The following MAP4K5 variants were observed in gnomAD, a reference collection of about 807,000 sequenced individuals.
MAP4K5 encodes MAPK/ERK kinase kinase kinase 5.
MAP4K5 carries 82 observed loss-of-function variants against 135.6 expected under a neutral mutation model. That is an observed-to-expected ratio of 0.60 (90% confidence interval 0.51 to 0.73). MAP4K5 has a LOEUF of 0.73. MAP4K5 is among the 30% of genes least tolerant of loss of function. The pLI, the probability that MAP4K5 is intolerant of heterozygous loss-of-function variation, is 0.00. For synonymous variants in MAP4K5, 347 were observed against 335.0 expected (o/e 1.04, Z -0.39); for missense variants, 907 against 1,010.9 (o/e 0.90, Z 1.39).
upstream of MAP4K5, among the ~76,000 whole-genome samples, chr14:50,536,235 G>A (rs899023331): frequency 2.0e-5 from 3 of 152,092 alleles, no homozygotes; most frequent in Non-Finnish European, 4.4e-5. Flanking sequence ...ATCTGAGGTC[G>A]GGAGTTTGAG....
intron 15 of MAP4K5, 60 bp downstream of exon 15, chr14:50,448,714 C>T (rs1412830703): frequency 1.0e-6 from 1 of 989,484 alleles, no homozygotes; most frequent in African/African-American, 1.7e-5. Context: ...GTACAACTAA[C>T]AAAAAAAAAG....
chr14:50,514,043 C>A (rs1198711131), intron 2 of MAP4K5, among the ~76,000 whole-genome samples: 1 of 152,114 alleles, frequency 6.6e-6, no homozygotes, highest in Non-Finnish European at 1.5e-5. Context: ...ATACTCAATA[C>A]TTTATGGAAC....
At chr14:50,555,149 T>C (rs143550576) in intron 1 of MAP4K5, among the ~76,000 whole-genome samples, 60 of 152,338 alleles carry the variant, frequency 3.9e-4, no homozygotes, top group African/African-American at 1.4e-3. Context: ...TTTACCCTTC[T>C]GTATGGCTAG....
At chr14:50,468,474 T>C in intron 10 of MAP4K5, 177 bp downstream of exon 10, 1 of 578,374 alleles carries the variant, frequency 1.7e-6, no homozygotes, top group Non-Finnish European at 3.0e-6. Flanking sequence ...AAAAATGAAT[T>C]GAGGTAACTA....
At chr14:50,535,748 A>G (rs1261022365), upstream of MAP4K5, among the ~76,000 whole-genome samples, 1 of 152,188 alleles carries the variant, frequency 6.6e-6, no homozygotes, top group Non-Finnish European at 1.5e-5. Flanking sequence ...GAGGTGAGGA[A>G]GGCAGTCGAT....
Position 50,510,584 on chromosome 14 carries a change from A to G in MAP4K5, c.109-5727T>C, listed in dbSNP as rs2037911028. Among the ~76,000 whole-genome samples, 3 of 152,266 alleles carry G rather than the reference A, an allele frequency of 2.0e-5. No homozygotes were observed. In the South Asian group the frequency reaches 6.2e-4, roughly 32 times the overall value. ...AAAAATTAAAATCTTCCACAACTAG[A>G]AAATGCTATGAAACTGACAATACAT... On this transcript the variant is annotated intron_variant, in intron 2 of 32. Transcript: ENST00000682126.
At position 50,428,735 on chromosome 14, in the gene MAP4K5, A is replaced by C; in HGVS notation, c.2253T>G (p.Asn751Lys). The C allele has an allele frequency of 6.8e-7, 1 of 1,478,432 alleles. No homozygotes were observed. The highest frequency in any genetic ancestry group is 9.0e-7 in the Non-Finnish European group (1 of 1,107,240). The allele number at this position is 1,478,432 out of a possible 1,614,324, so 91.6% of individuals were successfully genotyped here. A position where few individuals can be genotyped will look rare whatever the true frequency, so the allele number is the denominator to read the frequency against. ...VCLDKFVKIVNLQGKLKSSKK... is the reference protein window; with the variant it reads ...VCLDKFVKIVKLQGKLKSSKK... ...TACTTGATTTTAATTTTCCTTGTAG[A>C]TTTACAATTTTCACAAATTCTTAAA... Residue 751 changes from asparagine (N) to lysine (K), a missense_variant, in exon 30 of 33, where the codon AAT (asparagine) becomes AAG (lysine). Coordinates refer to ENST00000682126, the MANE Select transcript of MAP4K5 (RefSeq NM_006575.6).
At chr14:50,546,973 G>A (rs1360060347) in intron 1 of MAP4K5, among the ~76,000 whole-genome samples, 1 of 152,030 alleles carries the variant, frequency 6.6e-6, no homozygotes, top group African/African-American at 2.4e-5. Flanking sequence ...TTCTCCTAAT[G>A]CTATCCCTCC....
At chr14:50,452,698 G>A (rs61984271) in intron 14 of MAP4K5, among the ~76,000 whole-genome samples, 3 of 152,154 alleles carry the variant, frequency 2.0e-5, no homozygotes, top group Non-Finnish European at 4.4e-5. Context: ...AAAATAGGGT[G>A]TTGATCCCTG....
chr14:50,439,999 C>T lies in MAP4K5; in HGVS notation c.1705+14G>A. Reference sequence around the variant, plus strand: ...TGCTTATCTATGGTTTATTTTTCATCATCACATACATACCTGATAATGACA... The same window carrying T: ...TGCTTATCTATGGTTTATTTTTCATTATCACATACATACCTGATAATGACA... On this transcript the variant is annotated intron_variant, in intron 23 of 32. Coordinates refer to ENST00000682126, the MANE Select transcript of MAP4K5 (RefSeq NM_006575.6). 2.7e-6 allele frequency: 4 copies of T among 1,508,382 alleles called. No homozygotes were observed. Among genetic ancestry groups the T allele is most frequent in the Non-Finnish European group, 3.6e-6 (4 of 1,110,732 alleles). The allele number at this position is 1,508,382 out of a possible 1,614,324, so 93.4% of individuals were successfully genotyped here.
intron 3 of MAP4K5, among the ~76,000 whole-genome samples, chr14:50,488,475 G>C (rs2037416001): frequency 6.6e-6 from 1 of 152,178 alleles, no homozygotes; most frequent in African/African-American, 2.4e-5. Context: ...AAATTCTTCA[G>C]TTAAGTCTGG....
chr14:50,560,762 C>G (rs1051847684), intron 1 of MAP4K5, among the ~76,000 whole-genome samples: 7 of 152,220 alleles, frequency 4.6e-5, no homozygotes, highest in African/African-American at 7.2e-5. Context: ...GCTGGCTCTG[C>G]AGGGCGCGGG....
At chr14:50,447,534 AT>A in intron 15 of MAP4K5, 53 bp from the exon 16 acceptor site, 1 of 963,842 alleles carries the variant, frequency 1.0e-6, no homozygotes, top group Non-Finnish European at 1.6e-6. Flanking sequence ...GGTATTAACC[AT>A]TTTATTTGAT....
Position 50,443,787 on chromosome 14 carries a change from A to AT in MAP4K5, c.1438-18dup. 6.3e-7 allele frequency: 1 copy of AT among 1,593,350 alleles called. No homozygotes were observed. The highest frequency in any genetic ancestry group is 8.5e-7 in the Non-Finnish European group (1 of 1,172,798). On this transcript the variant is annotated splice_polypyrimidine_tract_variant and intron_variant, in intron 19 of 32. Coordinates refer to ENST00000682126, the MANE Select transcript of MAP4K5 (RefSeq NM_006575.6). ...GGCTGGTTTCTATGGGAAAAATAAA[A>AT]TTTACTAGTGTAAGACCTCCTAAGT...
intron 2 of MAP4K5, among the ~76,000 whole-genome samples, chr14:50,540,842 C>T (rs2038552069): frequency 6.6e-6 from 1 of 152,168 alleles, no homozygotes; most frequent in Admixed American, 6.5e-5. Flanking sequence ...AAGTAGAATA[C>T]CAAGATTAAA....
In MAP4K5 at chr14:50,530,713, T is replaced by A. The variant is rs2038367117; in HGVS notation, c.108+1229A>T. On this transcript the variant is annotated intron_variant, in intron 2 of 32. Transcript: ENST00000682126. Reference sequence around the variant, plus strand: ...TAAGAGCCAGAACCTTGCTCACAATTCATCACCTCAGTACCTCTACCAGTG... The same window carrying A: ...TAAGAGCCAGAACCTTGCTCACAATACATCACCTCAGTACCTCTACCAGTG... Among the ~76,000 whole-genome samples, 3 of 152,190 alleles carry A rather than the reference T, an allele frequency of 2.0e-5. No homozygotes were observed. In the South Asian group the frequency reaches 6.2e-4, roughly 32 times the overall value.
intron 2 of MAP4K5, among the ~76,000 whole-genome samples, chr14:50,509,035 C>T (rs1210791841): frequency 5.3e-5 from 8 of 152,004 alleles, no homozygotes; most frequent in Admixed American, 3.9e-4. Flanking sequence ...TATATACCAT[C>T]GAATACTATG....
At chr14:50,512,910 G>A (rs2037959595) in intron 2 of MAP4K5, among the ~76,000 whole-genome samples, 1 of 152,074 alleles carries the variant, frequency 6.6e-6, no homozygotes, top group South Asian at 2.1e-4. Context: ...CCTGCATTAT[G>A]TTTATAAAAG....
chr14:50,526,704 T>C (rs2038272879), intron 2 of MAP4K5, among the ~76,000 whole-genome samples: 1 of 152,260 alleles, frequency 6.6e-6, no homozygotes, highest in Non-Finnish European at 1.5e-5. Context: ...AATACTTCTT[T>C]AATGAATGAA....
Sources: gnomAD v4.1 joint callset for allele counts (sites outside exome capture counted in the v4.1 genomes callset) on GRCh38, gnomAD v4.1.1 for gene constraint, MANE v1.5 for transcripts, NCBI Gene and HGNC (gene_info 2026-07-23, HGNC 2026-07-21) for gene names.